The following SYT16 variants were observed in gnomAD, a reference collection of about 807,000 sequenced individuals.
SYT16 encodes the protein synaptotagmin 16.
In SYT16, 42 loss-of-function variants were observed where a neutral mutation model predicts 61.4. The observed-to-expected ratio is 0.68, with a 90% CI of 0.53 to 0.89. SYT16 has a LOEUF of 0.89. SYT16 is among the 40% of genes least tolerant of loss of function. SYT16 has a pLI of 0.00. For missense variants in SYT16, 804 were observed against 807.3 expected, an observed-to-expected ratio of 1.00 and a Z score of 0.05; for synonymous variants, 314 against 302.3, an observed-to-expected ratio of 1.04 and a Z score of -0.40.
chr14:61,854,762 A>T (rs2046724452), intron 1 of SYT16, among the ~76,000 whole-genome samples: 1 of 152,170 alleles, frequency 6.6e-6, no homozygotes, highest in African/African-American at 2.4e-5. Context: ...ATATGTGTGT[A>T]TACATTCATA....
At chr14:62,095,968 A>T (rs1235949508) in intron 7 of SYT16, among the ~76,000 whole-genome samples, 1 of 152,004 alleles carries the variant, frequency 6.6e-6, no homozygotes, top group East Asian at 1.9e-4. Flanking sequence ...TGGAAACTTG[A>T]TATTTGACAG....
At chr14:61,955,189 T>C (rs2050824905) in intron 1 of SYT16, among the ~76,000 whole-genome samples, 1 of 152,098 alleles carries the variant, frequency 6.6e-6, no homozygotes, top group Middle Eastern at 3.2e-3. Context: ...GATAAGTATG[T>C]ACCTGTGAAA....
intron 3 of SYT16, among the ~76,000 whole-genome samples, chr14:62,022,549 A>AT (rs1392046225): frequency 6.6e-6 from 1 of 151,562 alleles, no homozygotes; most frequent in Non-Finnish European, 1.5e-5. Flanking sequence ...ATTTTGGAGA[A>AT]TTTTTGGCCC....
chr14:61,977,183 C>A (rs2051845296), intron 2 of SYT16, among the ~76,000 whole-genome samples: 1 of 152,240 alleles, frequency 6.6e-6, no homozygotes, highest in African/African-American at 2.4e-5. Flanking sequence ...TCCAAATTTT[C>A]TCACATCTTC....
intron 3 of SYT16, among the ~76,000 whole-genome samples, chr14:62,031,887 G>A (rs1459908400): frequency 6.6e-6 from 1 of 152,110 alleles, no homozygotes; most frequent in East Asian, 1.9e-4. Context: ...AAAGACTGTT[G>A]CGATAAGGGA....
chr14:61,887,948 C>T (rs1335295829), intron 1 of SYT16, among the ~76,000 whole-genome samples: 6 of 152,166 alleles, frequency 3.9e-5, no homozygotes, highest in Non-Finnish European at 8.8e-5. Context: ...CACAACTTGG[C>T]TAACTCTTTG....
At chr14:61,958,554 T>C (rs1018836348) in intron 1 of SYT16, among the ~76,000 whole-genome samples, 4 of 152,082 alleles carry the variant, frequency 2.6e-5, no homozygotes, top group Admixed American at 6.6e-5. Context: ...AATTTCCATG[T>C]ATTTGTGAAT....
chr14:61,921,181 A>T (rs1421324600), intron 1 of SYT16, among the ~76,000 whole-genome samples: 1 of 152,220 alleles, frequency 6.6e-6, no homozygotes, highest in Non-Finnish European at 1.5e-5. Context: ...TGGCACAGTA[A>T]GCCTTGAAAA....
At chr14:62,070,798 ACCTTT>A (rs2056269391) in intron 4 of SYT16, among the ~76,000 whole-genome samples, 1 of 152,116 alleles carries the variant, frequency 6.6e-6, no homozygotes, top group Non-Finnish European at 1.5e-5. Context: ...GAGCTCTCTA[ACCTTT>A]CCTTCTTTCC....
At chr14:61,971,324 C>T (rs1448320660) in intron 2 of SYT16, among the ~76,000 whole-genome samples, 1 of 152,114 alleles carries the variant, frequency 6.6e-6, no homozygotes, top group African/African-American at 2.4e-5. Flanking sequence ...TTGGGTGATT[C>T]TAGATCAGGG....
rs139023591 is a variant in SYT16 at position 61,857,840 on chromosome 14, G to A, written c.-325+45030G>A. 3.8e-3 allele frequency among the ~76,000 whole-genome samples: 584 copies of A among 152,204 alleles called. 2 individuals carry two copies. The highest frequency in any genetic ancestry group is 0.014 in the African/African-American group (563 of 41,526). ...CAAGCAATTCATCTCTAATAAAAGGGAAGAAAGAGTATATGGAAGGAAAGT... is the reference window on the plus strand; with the variant it reads ...CAAGCAATTCATCTCTAATAAAAGGAAAGAAAGAGTATATGGAAGGAAAGT... On this transcript the variant is annotated intron_variant, in intron 1 of 7. Transcript: ENST00000683842.
At chr14:61,982,218 GTAAATGC>G (rs2140566453) in intron 2 of SYT16, among the ~76,000 whole-genome samples, 1 of 152,266 alleles carries the variant, frequency 6.6e-6, no homozygotes, top group Non-Finnish European at 1.5e-5. Context: ...GAAACACTCA[GTAAATGC>G]TTTTTGCCTG....
At chr14:61,812,646 G>GGCGGCGCGGCGCGGC (rs1013865756), upstream of SYT16, 1 of 146,446 alleles carries the variant, frequency 6.8e-6, no homozygotes, top group Non-Finnish European at 1.5e-5. Context: ...GGCGGCGCGG[G>GGCGGCGCGGCGCGGC]GCGGCGCGGC....
At chr14:61,903,511 A>T (rs1175997640) in intron 1 of SYT16, among the ~76,000 whole-genome samples, 1 of 152,232 alleles carries the variant, frequency 6.6e-6, no homozygotes. Flanking sequence ...ATGAATAAAG[A>T]AAGTAGATTA....
At chr14:61,972,077 A>T (rs1390468479) in intron 2 of SYT16, among the ~76,000 whole-genome samples, 2 of 152,204 alleles carry the variant, frequency 1.3e-5, no homozygotes, top group African/African-American at 4.8e-5. Flanking sequence ...GCATATTGGG[A>T]TTATCAGTAC....
intron 1 of SYT16, among the ~76,000 whole-genome samples, chr14:61,959,418 T>A (rs1027115931): frequency 2.0e-5 from 3 of 152,148 alleles, no homozygotes; most frequent in African/African-American, 7.2e-5. Flanking sequence ...CTTGTGTGCA[T>A]CTACTGTACT....
At chr14:61,930,681 G>T (rs760542879) in intron 1 of SYT16, among the ~76,000 whole-genome samples, 2 of 151,926 alleles carry the variant, frequency 1.3e-5, no homozygotes, top group Non-Finnish European at 2.9e-5. Flanking sequence ...CTAATCAACT[G>T]GCCTTTAAAT....
intron 1 of SYT16, among the ~76,000 whole-genome samples, chr14:61,844,464 A>T (rs560328659): frequency 6.6e-6 from 1 of 152,118 alleles, no homozygotes; most frequent in Admixed American, 6.5e-5. Context: ...TTGTGTTCCA[A>T]ATCTTACAGG....
At chr14:61,938,141 A>T (rs558043319) in intron 1 of SYT16, among the ~76,000 whole-genome samples, 3 of 152,070 alleles carry the variant, frequency 2.0e-5, no homozygotes, top group African/African-American at 7.2e-5. Context: ...TTACCGAAGG[A>T]TAAAGAACTT....
Sources: gnomAD v4.1 joint callset for allele counts (sites outside exome capture counted in the v4.1 genomes callset) on GRCh38, gnomAD v4.1.1 for gene constraint, MANE v1.5 for transcripts, NCBI Gene and HGNC (gene_info 2026-07-23, HGNC 2026-07-21) for gene names.